HTN1: variants seen among roughly 807,000 people sequenced by gnomAD.
HTN1 encodes histatin 1.
Under a neutral mutation model 11.2 loss-of-function variants are expected in HTN1, and 18 were observed. The observed-to-expected ratio is 1.61, with a 90% confidence interval of 1.12 to 2.39. HTN1 has a LOEUF of 2.39. HTN1 is among the 30% of genes most tolerant of loss of function. HTN1 has a pLI of 0.00. For synonymous variants in HTN1, 21 were observed against 20.5 expected (o/e 1.02, Z -0.07); for missense variants, 80 against 67.2 (o/e 1.19, Z -0.67).
At chr4:70,054,565 G>C (rs1725986261) in intron 4 of HTN1, 115 bp downstream of exon 4, 2 of 688,958 alleles carry the variant, frequency 2.9e-6, no homozygotes, top group South Asian at 4.0e-5. Flanking sequence ...AATTGCTAAA[G>C]TGCACATTGA....
At position 70,054,370 on chromosome 4, in the gene HTN1, T is replaced by C. The variant is rs755428763; in HGVS notation, c.72+28T>C. ...AAGACATTTTCATTTACGGGAAAAC[T>C]TGATAAATAAACATATATTGAATTT... On this transcript the variant is annotated intron_variant, in intron 3 of 5. Transcript: ENST00000246896. The C allele has an allele frequency of 9.7e-6, 15 of 1,546,644 alleles. No homozygotes were observed. In the South Asian group the frequency reaches 1.6e-4, roughly 16 times the overall value.
chr4:70,053,042 T>G, intron 1 of HTN1, 22 bp from the exon 2 acceptor site: 7 of 1,459,424 alleles, frequency 4.8e-6, no homozygotes, highest in Non-Finnish European at 6.7e-6. Flanking sequence ...TGATTACTGA[T>G]TTTTCATGTT....
At chr4:70,055,311 T>G (rs1347792787) in intron 4 of HTN1, among the ~76,000 whole-genome samples, 187 bp from the exon 5 acceptor site, 1 of 152,080 alleles carries the variant, frequency 6.6e-6, no homozygotes, top group East Asian at 1.9e-4. Flanking sequence ...CTTTATCATT[T>G]TTACCTACTT....
At chr4:70,056,136 T>C (rs1487363849) in intron 5 of HTN1, 2 of 152,200 alleles carry the variant, frequency 1.3e-5, no homozygotes, top group Non-Finnish European at 2.9e-5. Flanking sequence ...TGGTTTGTAG[T>C]TCTCCTTGAA....
chr4:70,054,766 T>C (rs949116844), intron 4 of HTN1, among the ~76,000 whole-genome samples: 1 of 152,074 alleles, frequency 6.6e-6, no homozygotes, highest in African/African-American at 2.4e-5. Context: ...GTATAACATA[T>C]GCTTAATAAA....
At chr4:70,054,525 T>C in intron 4 of HTN1, 75 bp downstream of exon 4, 2 of 942,162 alleles carry the variant, frequency 2.1e-6, no homozygotes, top group Non-Finnish European at 3.3e-6. Flanking sequence ...GAAGAATCAA[T>C]AGTTGTCTCT....
At chr4:70,056,677 A>G (rs1406487812) in intron 5 of HTN1, 1 of 152,190 alleles carries the variant, frequency 6.6e-6, no homozygotes, top group Non-Finnish European at 1.5e-5. Flanking sequence ...AAGGAACTTA[A>G]ACAAATTTAC....
At chr4:70,051,761 C>T (rs779806970) in intron 1 of HTN1, among the ~76,000 whole-genome samples, 1 of 151,982 alleles carries the variant, frequency 6.6e-6, no homozygotes, top group Non-Finnish European at 1.5e-5. Context: ...TTCTGCTTTT[C>T]ATGATAGAGA....
At chr4:70,052,778 A>G (rs1040988147) in intron 1 of HTN1, 4 of 253,012 alleles carry the variant, frequency 1.6e-5, no homozygotes, top group South Asian at 1.5e-4. Flanking sequence ...TAGTGAGACT[A>G]AAAACATTCT....
chr4:70,051,139 C>G (rs1436895971), intron 1 of HTN1, among the ~76,000 whole-genome samples: 1 of 152,080 alleles, frequency 6.6e-6, no homozygotes, highest in Non-Finnish European at 1.5e-5. Flanking sequence ...TAACTTAAAC[C>G]AGGAGTTCAA....
Position 70,055,576 on chromosome 4 carries a change from T to C in HTN1, c.*7T>C, listed in dbSNP as rs746129703. 1 of 1,510,182 alleles carries C rather than the reference T, an allele frequency of 6.6e-7. No individual in the cohort carries two copies. The highest frequency in any genetic ancestry group is 9.2e-7 in the Non-Finnish European group (1 of 1,086,678). The allele number at this position is 1,510,182 out of a possible 1,614,324, so 93.5% of individuals were successfully genotyped here. On this transcript the variant is annotated 3_prime_UTR_variant, in exon 5 of 6. Transcript: ENST00000246896. ...TTATCTATATGACAATTGATATCCT[T>C]AGTAATCATGGGGCATGATTATAGA...
At chr4:70,053,537 G>C (rs1725953858) in intron 2 of HTN1, among the ~76,000 whole-genome samples, 1 of 152,064 alleles carries the variant, frequency 6.6e-6, no homozygotes, top group African/African-American at 2.4e-5. Flanking sequence ...GTCATTTCTT[G>C]CACAACCTAC....
At chr4:70,057,712 G>A (rs1356533958) in intron 5 of HTN1, 2 of 152,010 alleles carry the variant, frequency 1.3e-5, no homozygotes, top group Non-Finnish European at 2.9e-5. Context: ...AGACTATTGA[G>A]AGACATTATA....
At chr4:70,052,783 C>T (rs1244919040) in intron 1 of HTN1, 2 of 259,360 alleles carry the variant, frequency 7.7e-6, no homozygotes, top group South Asian at 7.3e-5. Context: ...AGACTAAAAA[C>T]ATTCTCTACT....
chr4:70,053,896 T>C (rs1341473619), intron 2 of HTN1, among the ~76,000 whole-genome samples: 4 of 152,146 alleles, frequency 2.6e-5, no homozygotes, highest in Non-Finnish European at 5.9e-5. Context: ...TATAAAAGGA[T>C]AGAAGTAGAA....
intron 1 of HTN1, chr4:70,052,738 C>A (rs1725924378): frequency 1.0e-5 from 2 of 199,850 alleles, no homozygotes; most frequent in East Asian, 2.2e-4. Context: ...ATTCCTAGAG[C>A]CCAGGAGTTT....
chr4:70,055,669 A>G, intron 5 of HTN1, 67 bp downstream of exon 5: 2 of 733,510 alleles, frequency 2.7e-6, no homozygotes, highest in Non-Finnish European at 4.6e-6. Flanking sequence ...AAAAAGCCAT[A>G]AGCTAACAAC....
intron 3 of HTN1, 29 bp from the exon 4 acceptor site, chr4:70,054,392 A>G (rs1360260929): frequency 6.6e-7 from 1 of 1,523,064 alleles, no homozygotes. Flanking sequence ...CATATATTGA[A>G]TTTTTAATCT....
intron 2 of HTN1, among the ~76,000 whole-genome samples, chr4:70,053,394 G>A (rs56300563): frequency 0.021 from 3,241 of 152,154 alleles, 108 homozygotes; most frequent in African/African-American, 0.074. Flanking sequence ...TTAAATATGT[G>A]GGACTAAGAT....
Sources: allele counts gnomAD v4.1 joint callset (sites outside exome capture counted in the v4.1 genomes callset), GRCh38; gene constraint gnomAD v4.1.1; transcripts MANE v1.5; gene names NCBI Gene and HGNC (gene_info 2026-07-23, HGNC 2026-07-21).